The following CAMK1D variants were observed in gnomAD, a reference collection of about 807,000 sequenced individuals.
CAMK1D encodes the protein calcium/calmodulin-dependent protein kinase type 1D.
In CAMK1D, 9 loss-of-function variants were observed where a neutral mutation model predicts 47.7. The observed-to-expected ratio is 0.19, with a 90% confidence interval of 0.11 to 0.33. The LOEUF (loss-of-function observed/expected upper bound fraction) is 0.33. Ranked by LOEUF, CAMK1D falls within the 10% of genes least tolerant of loss-of-function variation. CAMK1D has a pLI of 1.00. For synonymous variants in CAMK1D, 184 were observed against 184.9 expected, an observed-to-expected ratio of 0.99 and a Z score of 0.04; for missense variants, 291 against 488.7, an observed-to-expected ratio of 0.60 and a Z score of 3.81.
chr10:12,827,480 T>G lies in CAMK1D; in HGVS notation c.1040-1289T>G, dbSNP rs572827924. Reference sequence around the variant, plus strand: ...TCTTTCTTTGTCTGTCTGTCTTTCTTTCTTTCTTTCTTTCTTTCTTTCTTT... The same window carrying G: ...TCTTTCTTTGTCTGTCTGTCTTTCTGTCTTTCTTTCTTTCTTTCTTTCTTT... On this transcript the variant is annotated intron_variant, in intron 10 of 10. Coordinates refer to ENST00000619168, the MANE Select transcript of CAMK1D (RefSeq NM_153498.4). Among the ~76,000 whole-genome samples, 13 of 7,136 alleles carry G rather than the reference T, an allele frequency of 1.8e-3. 5 individuals are homozygous for G. The highest frequency in any genetic ancestry group is 6.2e-3 in the African/African-American group (11 of 1,772). 4.7% of individuals were successfully genotyped at this position (7,136 alleles called of 152,430 possible). A position where few individuals can be genotyped will look rare whatever the true frequency, so the allele number is the denominator to read the frequency against.
At chr10:12,549,466 A>G (rs988669295) in intron 1 of CAMK1D, among the ~76,000 whole-genome samples, 46 of 152,272 alleles carry the variant, frequency 3.0e-4, no homozygotes, top group African/African-American at 1.1e-3. Flanking sequence ...GGATGCAAGG[A>G]TTGTTGCCAC....
rs1208522287 is a variant in CAMK1D, at chr10:12,535,263, C to T, written c.93-17962C>T. ...TGTCTCTCCCAGCTCTGTCTGCTAA[C>T]GCCAGCTGTGGCTCCAACTTCTTAG... On this transcript the variant is annotated intron_variant, in intron 1 of 10. Coordinates refer to ENST00000619168, the MANE Select transcript of CAMK1D (RefSeq NM_153498.4). Among the ~76,000 whole-genome samples the T allele has an allele frequency of 3.3e-5, 5 of 152,192 alleles. No homozygotes were observed. In the South Asian group the frequency reaches 8.3e-4, roughly 25 times the overall value.
intron 1 of CAMK1D, among the ~76,000 whole-genome samples, chr10:12,523,999 C>T (rs1187036625): frequency 6.6e-6 from 1 of 152,102 alleles, no homozygotes; most frequent in Non-Finnish European, 1.5e-5. Flanking sequence ...TCACACCATT[C>T]TCCTGCCTCA....
rs554600335 is a variant in CAMK1D at position 12,682,312 on chromosome 10, A to C, written c.299+15502A>C. On this transcript the variant is annotated intron_variant, in intron 3 of 10. Transcript: ENST00000619168. ...TGTCTTTGTGGCGCCCCTATTTTTA[A>C]TTGGATAATTGTATATCTGTACAGC... 7.2e-5 allele frequency among the ~76,000 whole-genome samples: 11 copies of C among 152,340 alleles called. No homozygotes were observed. In the East Asian group the frequency reaches 2.1e-3, roughly 29 times the overall value.
intron 3 of CAMK1D, among the ~76,000 whole-genome samples, chr10:12,708,169 C>G (rs1588830788): frequency 1.3e-5 from 2 of 152,294 alleles, no homozygotes; most frequent in African/African-American, 4.8e-5. Flanking sequence ...AATAGTCCCC[C>G]CAGAGGTTCC....
chr10:12,553,445 G>T (rs751423327), intron 2 of CAMK1D, 89 bp downstream of exon 2: 23 of 1,067,220 alleles, frequency 2.2e-5, no homozygotes, highest in Non-Finnish European at 3.1e-5. Flanking sequence ...GACTTTCCCC[G>T]GGGGCAGAGG....
At chr10:12,672,928 G>C (rs538162576) in intron 3 of CAMK1D, among the ~76,000 whole-genome samples, 2 of 44,700 alleles carry the variant, frequency 4.5e-5, no homozygotes, top group South Asian at 6.5e-4. Context: ...TCAGAGTTTT[G>C]CTTTATTGTC....
chr10:12,445,495 A>G (rs1393359056), intron 1 of CAMK1D, among the ~76,000 whole-genome samples: 1 of 152,168 alleles, frequency 6.6e-6, no homozygotes, highest in Non-Finnish European at 1.5e-5. Flanking sequence ...GCTGGTTTCA[A>G]TGTTAGCATT....
At chr10:12,753,832 C>T (rs1836105583) in intron 3 of CAMK1D, among the ~76,000 whole-genome samples, 2 of 152,064 alleles carry the variant, frequency 1.3e-5, no homozygotes, top group African/African-American at 2.4e-5. Context: ...ATTTACTGGG[C>T]CTTGGCTGCC....
chr10:12,772,709 T>C (rs749125878), intron 5 of CAMK1D, among the ~76,000 whole-genome samples: 8 of 152,002 alleles, frequency 5.3e-5, no homozygotes, highest in Non-Finnish European at 1.0e-4. Flanking sequence ...GTGGGAGCCA[T>C]TGGGTAATGG....
chr10:12,759,302 T>C (rs1371626464), intron 3 of CAMK1D, among the ~76,000 whole-genome samples: 1 of 152,204 alleles, frequency 6.6e-6, no homozygotes, highest in African/African-American at 2.4e-5. Flanking sequence ...TGCAGAGAGC[T>C]GTGATCATGC....
intron 2 of CAMK1D, among the ~76,000 whole-genome samples, chr10:12,630,451 A>T (rs1839347534): frequency 1.3e-5 from 2 of 150,376 alleles, no homozygotes; most frequent in South Asian, 4.2e-4. Flanking sequence ...ATCATAGCTC[A>T]CTGCAGCCTT....
intron 6 of CAMK1D, among the ~76,000 whole-genome samples, chr10:12,805,956 A>G (rs1189490499): frequency 2.0e-5 from 3 of 152,192 alleles, no homozygotes; most frequent in Non-Finnish European, 2.9e-5. Context: ...GCATGCCACG[A>G]TGATGGTGCC....
chr10:12,654,117 C>G (rs1332625480), intron 2 of CAMK1D, among the ~76,000 whole-genome samples: 26 of 152,174 alleles, frequency 1.7e-4, no homozygotes, highest in Non-Finnish European at 5.9e-5. Flanking sequence ...GAGCTAGAAA[C>G]CTCAAAGATG....
At chr10:12,718,423 A>G (rs1564514844) in intron 3 of CAMK1D, among the ~76,000 whole-genome samples, 1 of 152,204 alleles carries the variant, frequency 6.6e-6, no homozygotes, top group African/African-American at 2.4e-5. Flanking sequence ...ATCTTACGCC[A>G]TTTGCTTCAG....
intron 1 of CAMK1D, among the ~76,000 whole-genome samples, chr10:12,525,522 TA>T (rs1564391484): frequency 6.6e-6 from 1 of 152,178 alleles, no homozygotes; most frequent in African/African-American, 2.4e-5. Context: ...AGTGAATTTT[TA>T]AAAAAATTTC....
At chr10:12,566,223 G>A (rs1221739349) in intron 2 of CAMK1D, among the ~76,000 whole-genome samples, 1 of 152,272 alleles carries the variant, frequency 6.6e-6, no homozygotes, top group South Asian at 2.1e-4. Context: ...GGGACATCTT[G>A]CTAGACAGCG....
chr10:12,412,996 G>T (rs983203008), intron 1 of CAMK1D, among the ~76,000 whole-genome samples: 1 of 152,170 alleles, frequency 6.6e-6, no homozygotes, highest in African/African-American at 2.4e-5. Context: ...GGGAGGTTCT[G>T]GGAGCCCCAA....
intron 3 of CAMK1D, among the ~76,000 whole-genome samples, chr10:12,759,204 C>A (rs1588893889): frequency 6.6e-6 from 1 of 152,268 alleles, no homozygotes; most frequent in South Asian, 2.1e-4. Context: ...CAAAAATTAG[C>A]CGGGTGTGGT....
Sources: allele counts gnomAD v4.1 joint callset (sites outside exome capture counted in the v4.1 genomes callset), GRCh38; gene constraint gnomAD v4.1.1; transcripts MANE v1.5; gene names NCBI Gene and HGNC (gene_info 2026-07-23, HGNC 2026-07-21).